Variants in LDLRAD3 observed in about 807,000 individuals in gnomAD.
The protein encoded by LDLRAD3 is low density lipoprotein receptor class A domain containing 3, also known as low-density lipoprotein receptor class A domain-containing protein 3.
LDLRAD3 carries 20 observed loss-of-function variants against 29.4 expected under a neutral mutation model. The ratio of observed to expected loss-of-function variants is 0.68; its 90% CI spans 0.48 to 0.99. The LOEUF (loss-of-function observed/expected upper bound fraction) is 0.99, where lower values mean the gene tolerates loss of function less well. Ranked by LOEUF, LDLRAD3 falls within the 50% of genes least tolerant of loss-of-function variation. The pLI is 0.00. For synonymous variants in LDLRAD3, 157 were observed against 192.7 expected (o/e 0.81, Z 1.53); for missense variants, 420 against 454.3 (o/e 0.92, Z 0.69).
intron 1 of LDLRAD3, among the ~76,000 whole-genome samples, chr11:35,962,128 C>T (rs954021271): frequency 6.6e-6 from 1 of 152,148 alleles, no homozygotes; most frequent in African/African-American, 2.4e-5. Context: ...TTTTCCCCCT[C>T]CTTGAAATGT....
chr11:35,952,809 A>T (rs1442070254), intron 1 of LDLRAD3, among the ~76,000 whole-genome samples: 1 of 152,210 alleles, frequency 6.6e-6, no homozygotes, highest in Non-Finnish European at 1.5e-5. Context: ...GTATTTTTAG[A>T]ATTACTTTCT....
chr11:36,074,695 G>A (rs1033556757), intron 2 of LDLRAD3, among the ~76,000 whole-genome samples: 10 of 152,188 alleles, frequency 6.6e-5, no homozygotes, highest in African/African-American at 2.4e-4. Flanking sequence ...AGATGGCAAA[G>A]CCTATAAGCA....
Position 36,098,523 on chromosome 11 carries a change from C to T in LDLRAD3, c.454+62C>T, listed in dbSNP as rs1853398893. On this transcript the variant is annotated intron_variant, in intron 4 of 5. Transcript: ENST00000315571. The stretch of plus-strand genomic sequence containing the variant: ...CACAACACTGCAGTAATGGAACACC[C>T]TGAAAGGCAGAAAGCAACACCCATT... 2.5e-6 allele frequency: 4 copies of T among 1,586,210 alleles called. No homozygotes were observed. In the East Asian group the frequency reaches 9.0e-5, roughly 36 times the overall value.
intron 3 of LDLRAD3, among the ~76,000 whole-genome samples, chr11:36,083,977 G>A (rs1288903104): frequency 6.6e-6 from 1 of 151,936 alleles, no homozygotes; most frequent in African/African-American, 2.4e-5. Context: ...GGAGTGCAGT[G>A]GTGCCATCAC....
At chr11:36,072,989 C>T (rs1439660642) in intron 2 of LDLRAD3, among the ~76,000 whole-genome samples, 1 of 148,120 alleles carries the variant, frequency 6.8e-6, no homozygotes, top group Non-Finnish European at 1.5e-5. Flanking sequence ...TCTACCCTTT[C>T]AGGGTGGAGA....
In LDLRAD3 at chr11:36,007,226, C is replaced by A. The variant is rs376243514; in HGVS notation, c.47-28877C>A. On this transcript the variant is annotated intron_variant, in intron 1 of 5. Coordinates refer to ENST00000315571, the MANE Select transcript of LDLRAD3 (RefSeq NM_174902.4). ...GCACCCGAAGTAATTAATGCACTTTCTACTAGTGAGAGAAGGTGTAATTCG... is the reference window on the plus strand; with the variant it reads ...GCACCCGAAGTAATTAATGCACTTTATACTAGTGAGAGAAGGTGTAATTCG... Among the ~76,000 whole-genome samples, 10 of 152,358 alleles carry A rather than the reference C, an allele frequency of 6.6e-5. No individual in the cohort carries two copies. The East Asian group carries it at 1.7e-3, about 26-fold the overall frequency.
chr11:36,092,837 C>T lies in LDLRAD3; in HGVS notation c.320-5490C>T, dbSNP rs181261826. ...TCCTTGAGGAAGCTCCTGGCACTTTCAAGGCATGAACATTGTGATGTATAT... is the reference window on the plus strand; with the variant it reads ...TCCTTGAGGAAGCTCCTGGCACTTTTAAGGCATGAACATTGTGATGTATAT... On this transcript the variant is annotated intron_variant, in intron 3 of 5. Coordinates refer to ENST00000315571, the MANE Select transcript of LDLRAD3 (RefSeq NM_174902.4). Among the ~76,000 whole-genome samples the T allele has an allele frequency of 1.6e-3, 244 of 152,304 alleles. 1 individual carries two copies. Among genetic ancestry groups the T allele is most frequent in the South Asian group, 6.2e-3 (30 of 4,824 alleles).
At chr11:36,054,131 C>T (rs1260437592) in intron 2 of LDLRAD3, among the ~76,000 whole-genome samples, 4 of 152,124 alleles carry the variant, frequency 2.6e-5, no homozygotes, top group Non-Finnish European at 1.5e-5. Flanking sequence ...TGCCAGGTTT[C>T]CCCCCCATTT....
intron 2 of LDLRAD3, among the ~76,000 whole-genome samples, chr11:36,062,741 G>C (rs112112087): frequency 6.6e-6 from 1 of 152,236 alleles, no homozygotes; most frequent in Non-Finnish European, 1.5e-5. Context: ...TCTCGCTGCC[G>C]CCATGTGAAG....
At chr11:36,166,369 T>G (rs978079202) in intron 4 of LDLRAD3, among the ~76,000 whole-genome samples, 1 of 152,054 alleles carries the variant, frequency 6.6e-6, no homozygotes, top group Non-Finnish European at 1.5e-5. Context: ...CAGTGAGACA[T>G]GGAAGGGGGA....
intron 4 of LDLRAD3, among the ~76,000 whole-genome samples, chr11:36,212,116 T>G (rs1855290502): frequency 6.6e-6 from 1 of 152,212 alleles, no homozygotes; most frequent in Non-Finnish European, 1.5e-5. Flanking sequence ...GCATGGATAG[T>G]CATTTCCAGA....
In LDLRAD3 at chr11:36,132,056, A is replaced by ATTT. The variant is rs112706497; in HGVS notation, c.454+33606_454+33608dup. ...TGTTTGTCTTTTTAAATCAGCTGGGATTTTTTTTTTTTTCCAGCTCTGATC... is the reference window on the plus strand; with the variant it reads ...TGTTTGTCTTTTTAAATCAGCTGGGATTTTTTTTTTTTTTTTCCAGCTCTGATC... On this transcript the variant is annotated intron_variant, in intron 4 of 5. Coordinates refer to ENST00000315571, the MANE Select transcript of LDLRAD3 (RefSeq NM_174902.4). Among the ~76,000 whole-genome samples the ATTT allele has an allele frequency of 1.8e-4, 27 of 146,658 alleles. 1 individual carries two copies. The highest frequency in any genetic ancestry group is 4.1e-4 in the Admixed American group (6 of 14,656).
chr11:36,193,958 A>G, intron 4 of LDLRAD3, among the ~76,000 whole-genome samples: 1 of 152,302 alleles, frequency 6.6e-6, no homozygotes, highest in East Asian at 1.9e-4. Flanking sequence ...TAAACTGGGA[A>G]TACTGTCATT....
At chr11:36,176,921 G>T (rs1854687264) in intron 4 of LDLRAD3, among the ~76,000 whole-genome samples, 1 of 152,060 alleles carries the variant, frequency 6.6e-6, no homozygotes, top group African/African-American at 2.4e-5. Context: ...CAAAATTCTG[G>T]ATTTCTCTTC....
At chr11:36,180,606 G>A (rs1363268610) in intron 4 of LDLRAD3, among the ~76,000 whole-genome samples, 1 of 152,152 alleles carries the variant, frequency 6.6e-6, no homozygotes, top group African/African-American at 2.4e-5. Context: ...GTGACACGGA[G>A]CGCATGGACA....
At chr11:36,194,752 C>T (rs986999229) in intron 4 of LDLRAD3, among the ~76,000 whole-genome samples, 1 of 152,134 alleles carries the variant, frequency 6.6e-6, no homozygotes, top group African/African-American at 2.4e-5. Flanking sequence ...CAGGGATTCC[C>T]AGTTCTCTAA....
At chr11:36,058,770 T>C (rs1852657780) in intron 2 of LDLRAD3, among the ~76,000 whole-genome samples, 1 of 152,168 alleles carries the variant, frequency 6.6e-6, no homozygotes, top group Non-Finnish European at 1.5e-5. Context: ...ATGGTCACAA[T>C]TGGGGTTGCA....
chr11:36,142,979 CA>C (rs931685782), intron 4 of LDLRAD3, among the ~76,000 whole-genome samples: 9 of 152,320 alleles, frequency 5.9e-5, no homozygotes, highest in Non-Finnish European at 1.2e-4. Flanking sequence ...AAAAAGGAGC[CA>C]AATTGGTGAA....
intron 3 of LDLRAD3, among the ~76,000 whole-genome samples, chr11:36,085,535 A>G (rs1373431848): frequency 6.6e-6 from 1 of 151,972 alleles, no homozygotes; most frequent in African/African-American, 2.4e-5. Flanking sequence ...TCCTTTCTTT[A>G]TGGGAGTCTA....
Sources: gnomAD v4.1 joint callset for allele counts (sites outside exome capture counted in the v4.1 genomes callset) on GRCh38, gnomAD v4.1.1 for gene constraint, MANE v1.5 for transcripts, NCBI Gene and HGNC (gene_info 2026-07-23, HGNC 2026-07-21) for gene names.